ZNF276: variants seen among roughly 807,000 people sequenced by gnomAD.
ZNF276 encodes zinc finger protein 276.
In ZNF276, 59 loss-of-function variants were observed where a neutral mutation model predicts 63.9. That is an observed-to-expected ratio of 0.92 (90% confidence interval 0.75 to 1.15). The LOEUF (loss-of-function observed/expected upper bound fraction) is 1.15, where lower values mean the gene tolerates loss of function less well. Among genes scored for constraint, ZNF276 ranks in the 50% most tolerant of loss-of-function variants. ZNF276 has a pLI of 0.00. For synonymous variants in ZNF276, 496 were observed against 348.4 expected, an observed-to-expected ratio of 1.42 and a Z score of -4.72; for missense variants, 1,084 against 843.8, an observed-to-expected ratio of 1.28 and a Z score of -3.53.
intron 6 of ZNF276, among the ~76,000 whole-genome samples, chr16:89,729,975 C>G (rs542749260): frequency 9.8e-5 from 15 of 152,336 alleles, no homozygotes; most frequent in Non-Finnish European, 2.1e-4. Flanking sequence ...TAGTTGGTGA[C>G]TGACCCAGTC....
intron 9 of ZNF276, among the ~76,000 whole-genome samples, chr16:89,734,557 C>G (rs553957158): frequency 6.6e-6 from 1 of 152,230 alleles, no homozygotes; most frequent in Non-Finnish European, 1.5e-5. Context: ...TAACTCCTGA[C>G]CTCAAGTGAT....
intron 5 of ZNF276, among the ~76,000 whole-genome samples, chr16:89,728,775 G>A (rs1421934695): frequency 5.3e-5 from 8 of 152,130 alleles, no homozygotes; most frequent in Non-Finnish European, 1.2e-4. Context: ...GACCTCATGC[G>A]ATCCACCTAC....
intron 5 of ZNF276, 145 bp from the exon 6 acceptor site, chr16:89,729,090 T>G (rs983553485): frequency 2.9e-6 from 2 of 682,662 alleles, no homozygotes; most frequent in Admixed American, 5.6e-5. Context: ...GATTGGAAAT[T>G]TGGGGATTTT....
rs192766462 is a variant in ZNF276 at position 89,735,829 on chromosome 16, C to T, written c.1474+1791C>T. Among the ~76,000 whole-genome samples, 171 of 152,238 alleles carry T rather than the reference C, an allele frequency of 1.1e-3. 3 individuals are homozygous for T. Among genetic ancestry groups the T allele is most frequent in the Admixed American group, 4.6e-3 (71 of 15,282 alleles). The stretch of plus-strand genomic sequence containing the variant: ...TCCCTAGTTCAAGCAATTCTCCTGT[C>T]TCAGCCTCCTGAGTAGCTGGGATTA... On this transcript the variant is annotated intron_variant, in intron 9 of 10. Coordinates refer to ENST00000443381, the MANE Select transcript of ZNF276 (RefSeq NM_001113525.2).
At position 89,723,132 on chromosome 16, in the gene ZNF276, T is replaced by C; in HGVS notation, c.510-5T>C. The C allele has an allele frequency of 6.2e-7, 1 of 1,613,212 alleles. No homozygotes were observed. The highest frequency in any genetic ancestry group is 2.2e-5 in the East Asian group (1 of 44,874). On this transcript the variant is annotated splice_polypyrimidine_tract_variant and splice_region_variant and intron_variant, in intron 2 of 10. Transcript: ENST00000443381. ...CCTGCTCATGGCCACACTGATCCTT[T>C]GCAGGGTCGGTGCCCAGCCCCCAAC...
intron 9 of ZNF276, 145 bp from the exon 10 acceptor site, chr16:89,737,661 T>C (rs2061983152): frequency 6.8e-7 from 1 of 1,479,368 alleles, no homozygotes; most frequent in Non-Finnish European, 9.0e-7. Context: ...AACGAGGCCC[T>C]CATAGGCCCC....
chr16:89,729,169 A>AG, intron 5 of ZNF276, 66 bp from the exon 6 acceptor site: 1 of 1,300,120 alleles, frequency 7.7e-7, no homozygotes, highest in Non-Finnish European at 1.1e-6. Context: ...TTTAGGCAGG[A>AG]GGTCGTGTTG....
chr16:89,728,509 T>C (rs781145763), intron 5 of ZNF276, among the ~76,000 whole-genome samples: 2 of 152,332 alleles, frequency 1.3e-5, no homozygotes, highest in Middle Eastern at 3.4e-3. Context: ...GTTCACGCCA[T>C]TCTCCGGCCT....
At position 89,738,684 on chromosome 16, in the gene ZNF276, C is replaced by A. The variant is rs748856769; in HGVS notation, c.*438C>A. ...TGGAGGGCGGCGCTCACCTCTGGGTCGCAGTCCCCACGATCAGCCAGCAGC... is the reference window on the plus strand; with the variant it reads ...TGGAGGGCGGCGCTCACCTCTGGGTAGCAGTCCCCACGATCAGCCAGCAGC... On this transcript the variant is annotated 3_prime_UTR_variant, in exon 11 of 11. Coordinates refer to ENST00000443381, the MANE Select transcript of ZNF276 (RefSeq NM_001113525.2). 5 of 1,613,796 alleles carry A rather than the reference C, an allele frequency of 3.1e-6. No homozygotes were observed. The African/African-American group carries it at 6.7e-5, about 22-fold the overall frequency.
At chr16:89,732,600 C>T (rs924093078) in intron 6 of ZNF276, 1 of 185,974 alleles carries the variant, frequency 5.4e-6, no homozygotes, top group African/African-American at 2.4e-5. Flanking sequence ...GTTCTCAGAA[C>T]CCACCCCTGC....
chr16:89,720,611 C>G, upstream of ZNF276: 1 of 1,223,352 alleles, frequency 8.2e-7, no homozygotes, highest in South Asian at 3.1e-5. Context: ...GCGCCCCGCC[C>G]CCGTCCTCGC....
In ZNF276 at chr16:89,738,742, G is replaced by A. The variant is rs375487632; in HGVS notation, c.*496G>A. The A allele has an allele frequency of 1.1e-5, 18 of 1,612,360 alleles. No homozygotes were observed. The African/African-American group carries it at 1.2e-4, about 11-fold the overall frequency. ...GAGGAGCAGGTCCTCAGCCCATGCC[G>A]CCCACTAGGCCTCAGACCACAGGGG... On this transcript the variant is annotated 3_prime_UTR_variant, in exon 11 of 11. Coordinates refer to ENST00000443381, the MANE Select transcript of ZNF276 (RefSeq NM_001113525.2).
intron 4 of ZNF276, among the ~76,000 whole-genome samples, chr16:89,726,543 G>GGTTGGTCTTGATCTCCTGACCTT (rs1345169777): frequency 2.0e-5 from 3 of 152,158 alleles, no homozygotes; most frequent in Non-Finnish European, 4.4e-5. Context: ...ATGTTAGCCA[G>GGTTGGTCTTGATCTCCTGACCTT]GTTGGTCTTG....
intron 9 of ZNF276, among the ~76,000 whole-genome samples, chr16:89,737,304 A>G (rs906348261): frequency 6.6e-6 from 1 of 152,118 alleles, no homozygotes; most frequent in African/African-American, 2.4e-5. Context: ...GGCAGATCAC[A>G]AGGTCAGGAA....
At position 89,739,828 on chromosome 16, in the gene ZNF276, T is replaced by C; in HGVS notation, c.*1582T>C. The C allele has an allele frequency of 1.4e-6, 2 of 1,477,950 alleles. No individual in the cohort carries two copies. The highest frequency in any genetic ancestry group is 1.8e-6 in the Non-Finnish European group (2 of 1,117,458). The allele number at this position is 1,477,950 out of a possible 1,614,324, so 91.6% of individuals were successfully genotyped here. A position where few individuals can be genotyped will look rare whatever the true frequency, so the allele number is the denominator to read the frequency against. On this transcript the variant is annotated 3_prime_UTR_variant, in exon 11 of 11. Transcript: ENST00000443381. ...GGGGTTGACCAGTGAGCCAGTAAATTATCTTATTGCTTTAAACAAGTTTGT... is the reference window on the plus strand; with the variant it reads ...GGGGTTGACCAGTGAGCCAGTAAATCATCTTATTGCTTTAAACAAGTTTGT...
In ZNF276 at chr16:89,721,837, A is replaced by T; in HGVS notation, c.197A>T (p.Asp66Val). The change falls in exon 1 of 11, where the codon GAC becomes GTC. Residue 66 changes from aspartate to valine, a missense_variant. Physicochemically the swap from Asp to Val is radical, Grantham distance 152. Coordinates refer to ENST00000443381, the MANE Select transcript of ZNF276 (RefSeq NM_001113525.2). ...GGGGACGCGGGCGAGGACGGCGCGG[A>T]CGAGGCAGGTGGGTCCGCGGCCCGG... ...SCGDAGEDGA[D>V]EAGAGRALAM... 8 of 1,217,620 alleles carry T rather than the reference A, an allele frequency of 6.6e-6. No homozygotes were observed. Among genetic ancestry groups the T allele is most frequent in the Non-Finnish European group, 7.1e-6 (7 of 979,290 alleles). The allele number at this position is 1,217,620 out of a possible 1,614,324, so 75.4% of individuals were successfully genotyped here. A position where few individuals can be genotyped will look rare whatever the true frequency, so the allele number is the denominator to read the frequency against.
rs753048298 is a variant in ZNF276, at chr16:89,738,790, G to A, written c.*544G>A. 1.2e-5 allele frequency: 20 copies of A among 1,613,092 alleles called. No individual in the cohort carries two copies. The highest frequency in any genetic ancestry group is 1.6e-4 in the Middle Eastern group (1 of 6,062). The stretch of plus-strand genomic sequence containing the variant: ...GGGAGGGGCTCTGGCAGAAATAGTC[G>A]AGTTGTATTGCCAGCCAGGCAGGCA... On this transcript the variant is annotated 3_prime_UTR_variant, in exon 11 of 11. Transcript: ENST00000443381.
At chr16:89,728,619 G>C (rs954195050) in intron 5 of ZNF276, among the ~76,000 whole-genome samples, 1 of 151,978 alleles carries the variant, frequency 6.6e-6, no homozygotes, top group African/African-American at 2.4e-5. Flanking sequence ...AGCCGGGATG[G>C]TCTTGATCTC....
Position 89,723,190 on chromosome 16 carries a change from C to A in ZNF276, c.556+7C>A, listed in dbSNP as rs373537733. The A allele has an allele frequency of 6.2e-7, 1 of 1,613,072 alleles. No individual in the cohort carries two copies. The highest frequency in any genetic ancestry group is 8.5e-7 in the Non-Finnish European group (1 of 1,180,038). ...GAGGAGGGAGCGTGTCTGGGTGAGT[C>A]CTCCCCCGGTGGAGGGTGGGCTGGG... is the stretch of plus-strand genomic sequence containing the variant. On this transcript the variant is annotated splice_region_variant and intron_variant, in intron 3 of 10. Coordinates refer to ENST00000443381, the MANE Select transcript of ZNF276 (RefSeq NM_001113525.2).
Sources: gnomAD v4.1 joint callset for allele counts (sites outside exome capture counted in the v4.1 genomes callset) on GRCh38, gnomAD v4.1.1 for gene constraint, MANE v1.5 for transcripts, NCBI Gene and HGNC (gene_info 2026-07-23, HGNC 2026-07-21) for gene names.